Variants in BLM observed in about 807,000 individuals in gnomAD.
BLM encodes recQ-like DNA helicase BLM.
A neutral mutation model predicts 135.3 loss-of-function variants in BLM; 95 were observed. That is an observed-to-expected ratio of 0.70 (90% confidence interval 0.59 to 0.83). BLM has a LOEUF of 0.83. Among genes scored for constraint, BLM ranks in the 40% least tolerant of loss-of-function variants. The probability of loss-of-function intolerance (pLI) is 0.00; values close to 1 mark genes in which losing one functional copy is unlikely to be tolerated. For missense variants in BLM, 1,518 were observed against 1,663.9 expected, an observed-to-expected ratio of 0.91 and a Z score of 1.53; for synonymous variants, 520 against 589.2, an observed-to-expected ratio of 0.88 and a Z score of 1.70.
At chr15:90,734,419 C>T (rs540266846) in intron 1 of BLM, among the ~76,000 whole-genome samples, 1 of 151,830 alleles carries the variant, frequency 6.6e-6, no homozygotes, top group East Asian at 1.9e-4. Context: ...TCCCAAGTCG[C>T]TGGGATTACA....
At chr15:90,748,180 C>T (rs1187018585) in intron 2 of BLM, among the ~76,000 whole-genome samples, 1 of 150,910 alleles carries the variant, frequency 6.6e-6, no homozygotes, top group Admixed American at 6.6e-5. Flanking sequence ...ACAATCTTAG[C>T]TCACCGCAAC....
chr15:90,812,330 G>A lies in BLM; in HGVS notation c.4076+924G>A, dbSNP rs951867045. Among the ~76,000 whole-genome samples, 5 of 152,246 alleles carry A rather than the reference G, an allele frequency of 3.3e-5. 1 individual carries two copies. Among genetic ancestry groups the A allele is most frequent in the South Asian group, 4.2e-4 (2 of 4,816 alleles). On this transcript the variant is annotated intron_variant, in intron 21 of 21. Transcript: ENST00000355112. ...GGCCTCTTTAGGGGTTGCGTAAATG[G>A]CTTCTGTCTTCCCCTTCCCATGTTT...
At chr15:90,813,070 G>A (rs1475564069) in intron 21 of BLM, among the ~76,000 whole-genome samples, 3 of 152,126 alleles carry the variant, frequency 2.0e-5, no homozygotes, top group Non-Finnish European at 2.9e-5. Context: ...AGGGCTTATC[G>A]GAGGACAACC....
chr15:90,765,226 C>A (rs1345914141), intron 8 of BLM, 70 bp from the exon 9 acceptor site: 1 of 1,267,282 alleles, frequency 7.9e-7, no homozygotes, highest in East Asian at 2.3e-5. Flanking sequence ...GATATGATTT[C>A]TTTTGTAACT....
intron 1 of BLM, among the ~76,000 whole-genome samples, chr15:90,736,563 G>A (rs372160526): frequency 2.0e-5 from 3 of 152,106 alleles, no homozygotes; most frequent in African/African-American, 4.8e-5. Flanking sequence ...CCGGCCTTAC[G>A]TTTTCAACAG....
rs577558244 is a variant in BLM at position 90,795,749 on chromosome 15, G to C, written c.3210+1392G>C. On this transcript the variant is annotated intron_variant, in intron 16 of 21. Transcript: ENST00000355112. ...GGAGCTTACACTCTAGCAGAGGGAG[G>C]CCAGTTACAAACAATATACACAATA... Among the ~76,000 whole-genome samples the C allele has an allele frequency of 3.3e-5, 5 of 152,332 alleles. No homozygotes were observed. The South Asian group carries it at 8.3e-4, about 25-fold the overall frequency.
chr15:90,805,826 C>T (rs942341496), intron 19 of BLM, among the ~76,000 whole-genome samples: 5 of 151,620 alleles, frequency 3.3e-5, no homozygotes, highest in Admixed American at 6.6e-5. Context: ...CCACCGCATC[C>T]GGCCGGATTA....
intron 5 of BLM, among the ~76,000 whole-genome samples, chr15:90,756,501 G>A (rs76005259): frequency 5.5e-4 from 84 of 152,328 alleles, no homozygotes; most frequent in Non-Finnish European, 1.1e-3. Flanking sequence ...TAGCCTCAGA[G>A]CTAGGATCTG....
At chr15:90,726,456 C>T (rs77388399) in intron 1 of BLM, among the ~76,000 whole-genome samples, 6 of 152,176 alleles carry the variant, frequency 3.9e-5, no homozygotes, top group South Asian at 4.2e-4. Context: ...TTAGTAGAGA[C>T]GGGGTTTCTC....
At chr15:90,776,998 GTTTTGTTTTTGT>G (rs1238623455) in intron 12 of BLM, among the ~76,000 whole-genome samples, 1 of 139,082 alleles carries the variant, frequency 7.2e-6, no homozygotes, top group East Asian at 2.1e-4. Flanking sequence ...GTTTTGTTTT[GTTTTGTTTTTGT>G]TTTTGTTTTG....
chr15:90,760,726 G>T lies in BLM; in HGVS notation c.1353G>T (p.Lys451Asn). 1 of 1,614,114 alleles carries T rather than the reference G, an allele frequency of 6.2e-7. No individual in the cohort carries two copies. The highest frequency in any genetic ancestry group is 1.1e-5 in the South Asian group (1 of 91,084). ...CCTGCCCTACAGGGAATTCTATGAA[G>T]GAGTTAAATTTTTCACACCTTCCCT... Reference protein sequence around the residue: ...GDSCPTGNSMKELNFSHLPSN... With the variant: ...GDSCPTGNSMNELNFSHLPSN... The change falls in exon 7 of 22, where the codon AAG becomes AAT. Residue 451 changes from lysine (K) to asparagine (N), a missense_variant. By Grantham distance (94) the Lys-to-Asn change is moderately conservative. Transcript: ENST00000355112.
intron 20 of BLM, among the ~76,000 whole-genome samples, chr15:90,810,031 T>A (rs1567066148): frequency 6.6e-6 from 1 of 151,342 alleles, no homozygotes; most frequent in Non-Finnish European, 1.5e-5. Flanking sequence ...ATGGAAATGA[T>A]GAGCAGGATG....
rs1555424393 is a variant in BLM, at chr15:90,804,280, A to G, written c.3672A>G (p.Glu1224=). 2 of 1,614,124 alleles carry G rather than the reference A, an allele frequency of 1.2e-6. No homozygotes were observed. The highest frequency in any genetic ancestry group is 2.2e-5 in the South Asian group (2 of 91,076). Reference sequence around the variant, plus strand: ...AAAAATGTCTTGGAGAACTTACAGAAGTCTGCAAATCTCTGGGGAAAGTTT... The same window carrying G: ...AAAAATGTCTTGGAGAACTTACAGAGGTCTGCAAATCTCTGGGGAAAGTTT... The part of the protein sequence containing the change: ...MVKKCLGELT[E]VCKSLGKVFG... Residue 1224 remains glutamate (E), a synonymous_variant, in exon 19 of 22, where the codon GAA becomes GAG. Coordinates refer to ENST00000355112, the MANE Select transcript of BLM (RefSeq NM_000057.4).
intron 20 of BLM, among the ~76,000 whole-genome samples, chr15:90,810,595 G>A (rs1487484673): frequency 1.3e-5 from 2 of 152,094 alleles, no homozygotes; most frequent in Non-Finnish European, 2.9e-5. Context: ...AATACTTATG[G>A]AAATTACCAT....
At position 90,811,398 on chromosome 15, in the gene BLM, G is replaced by A. The variant is rs587779890; in HGVS notation, c.4068G>A (p.Lys1356=). 2 of 1,614,148 alleles carry A rather than the reference G, an allele frequency of 1.2e-6. No individual in the cohort carries two copies. Among genetic ancestry groups the A allele is most frequent in the South Asian group, 2.2e-5 (2 of 91,084 alleles). ...KRRKTASSGS[K]AKGGSATCRK... is the part of the protein sequence containing the mutation. ...GAAAAACTGCTTCCAGTGGTTCCAA[G>A]GCAAAGGGGTATGTTTTGTGACATC... Residue 1356 remains lysine, a synonymous_variant, in exon 21 of 22, where the codon AAG becomes AAA. Transcript: ENST00000355112.
chr15:90,760,419 T>G, intron 6 of BLM, 140 bp downstream of exon 6: 1 of 1,332,626 alleles, frequency 7.5e-7, no homozygotes, highest in Non-Finnish European at 1.1e-6. Context: ...TGTTTTTGAT[T>G]TGTTTACTTT....
intron 12 of BLM, among the ~76,000 whole-genome samples, chr15:90,776,416 G>A (rs1344359384): frequency 6.6e-6 from 1 of 152,150 alleles, no homozygotes; most frequent in East Asian, 1.9e-4. Context: ...AATATGTATG[G>A]AAGAGTTGGG....
chr15:90,804,171 AC>A lies in BLM; in HGVS notation c.3564del (p.Phe1189LeufsTer10), dbSNP rs1486692931. 1.2e-6 allele frequency: 2 copies of A among 1,613,282 alleles called. No homozygotes were observed. The highest frequency in any genetic ancestry group is 4.5e-5 in the East Asian group (2 of 44,878). On this transcript the variant is annotated frameshift_variant, in exon 19 of 22. Transcript: ENST00000355112. LOFTEE classifies it high-confidence loss of function. ...ATTTGTTTCTCTCTCATAAAGGTAG[AC>A]TTTATGGAAACAGAAAATTCCAGCA... Reference protein sequence around the residue: ...QTVLNGNLKVDFMETENSSSV... With the variant: ...QTVLNGNLKVXFMETENSSSV...
chr15:90,749,837 A>C lies in BLM; in HGVS notation c.569A>C (p.Lys190Thr). The change falls in exon 3 of 22, where the codon AAG (lysine) becomes ACG (threonine). Residue 190 changes from lysine (K) to threonine (T), a missense_variant. Lys to Thr is a moderately conservative substitution (Grantham distance 78). Around this residue, in one of 5 missense-constraint regions of BLM, gnomAD observed 724 missense variants for 756.9 expected, o/e 0.96. Transcript: ENST00000355112. ...ACTGCTCAGAAATCAAAAAAGGGTA[A>C]GAGAAACTTTTTTAAAGCACAGCTT... ...VSTAQKSKKGKRNFFKAQLYT... is the reference protein window; with the variant it reads ...VSTAQKSKKGTRNFFKAQLYT... 6.3e-7 allele frequency: 1 copy of C among 1,593,570 alleles called. No individual in the cohort carries two copies. Among genetic ancestry groups the C allele is most frequent in the Non-Finnish European group, 8.5e-7 (1 of 1,171,112 alleles).
Sources: gnomAD v4.1 joint callset for allele counts (sites outside exome capture counted in the v4.1 genomes callset) on GRCh38, gnomAD v4.1.1 for gene constraint, gnomAD v4.1.1 regional missense constraint, MANE v1.5 for transcripts, NCBI Gene and HGNC (gene_info 2026-07-23, HGNC 2026-07-21) for gene names.